Variants in MDN1 observed in about 807,000 individuals in gnomAD.
The protein encoded by MDN1 is midasin AAA ATPase 1.
MDN1 carries 266 observed loss-of-function variants against 669.2 expected under a neutral mutation model. The ratio of observed to expected loss-of-function variants is 0.40; its 90% confidence interval spans 0.36 to 0.44. The LOEUF (loss-of-function observed/expected upper bound fraction) is 0.44. Among genes scored for constraint, MDN1 ranks in the 20% least tolerant of loss-of-function variants. The pLI is 1.00. For missense variants in MDN1, 5,940 were observed against 6,754.0 expected (o/e 0.88, Z 4.22); for synonymous variants, 2,385 against 2,457.1 (o/e 0.97, Z 0.87).
chr6:89,741,236 C>T (rs1047765995), intron 31 of MDN1, among the ~76,000 whole-genome samples: 1 of 152,000 alleles, frequency 6.6e-6, no homozygotes, highest in Admixed American at 6.6e-5. Flanking sequence ...TGTCTCAAAA[C>T]AAAACAAACA....
At chr6:89,795,318 C>T (rs901361997) in intron 2 of MDN1, among the ~76,000 whole-genome samples, 5 of 151,974 alleles carry the variant, frequency 3.3e-5, no homozygotes, top group African/African-American at 1.2e-4. Flanking sequence ...CTTTTAGAAA[C>T]GCTAAGAGAC....
At chr6:89,776,732 T>A in intron 11 of MDN1, 37 bp from the exon 12 acceptor site, 1 of 1,354,816 alleles carries the variant, frequency 7.4e-7, no homozygotes, top group Non-Finnish European at 1.0e-6. Flanking sequence ...GACTGATTTT[T>A]AAAATAATAT....
chr6:89,753,651 G>T, intron 21 of MDN1, 29 bp from the exon 22 acceptor site: 1 of 1,517,052 alleles, frequency 6.6e-7, no homozygotes, highest in Non-Finnish European at 9.2e-7. Context: ...TATGCATAAT[G>T]CTAAATAACC....
chr6:89,643,788 A>C lies in MDN1; in HGVS notation c.*217T>G. On this transcript the variant is annotated 3_prime_UTR_variant, in exon 102 of 102. Transcript: ENST00000369393. ...GAAGAAGGATAACTCTTCTCTAGTTACGAGTTCAGGCACCTGCTGCTGCTT... is the reference window on the plus strand; with the variant it reads ...GAAGAAGGATAACTCTTCTCTAGTTCCGAGTTCAGGCACCTGCTGCTGCTT... The C allele has an allele frequency of 2.3e-6, 1 of 442,434 alleles. No homozygotes were observed. Among genetic ancestry groups the C allele is most frequent in the Non-Finnish European group, 4.0e-6 (1 of 253,034 alleles). 27.4% of individuals were successfully genotyped at this position (442,434 alleles called of 1,614,324 possible). A position where few individuals can be genotyped will look rare whatever the true frequency, so the allele number is the denominator to read the frequency against.
At chr6:89,773,620 G>A (rs1438157961) in intron 13 of MDN1, among the ~76,000 whole-genome samples, 2 of 151,744 alleles carry the variant, frequency 1.3e-5, no homozygotes, top group African/African-American at 2.4e-5. Context: ...ACAGAACTTA[G>A]AGTGATACAA....
intron 53 of MDN1, among the ~76,000 whole-genome samples, chr6:89,702,835 TCTC>T (rs1382691231): frequency 3.9e-5 from 6 of 152,230 alleles, no homozygotes. Context: ...GTAAAGATCT[TCTC>T]CTACGTTTTC....
At chr6:89,747,287 T>C (rs1816684410) in intron 27 of MDN1, 42 bp downstream of exon 27, 1 of 1,587,346 alleles carries the variant, frequency 6.3e-7, no homozygotes, top group African/African-American at 1.4e-5. Context: ...AGTTTGACAT[T>C]TAACATAACT....
At position 89,667,471 on chromosome 6, in the gene MDN1, C is replaced by A. The variant is rs1197813032; in HGVS notation, c.14094+543G>T. Among the ~76,000 whole-genome samples, 4 of 152,074 alleles carry A rather than the reference C, an allele frequency of 2.6e-5. 1 individual carries two copies. Among genetic ancestry groups the A allele is most frequent in the African/African-American group, 9.7e-5 (4 of 41,388 alleles). ...TTTAACTTAGAATATAAGTGATACA[C>A]CCAATACACATAAATCACTCACAAA... On this transcript the variant is annotated intron_variant, in intron 84 of 101. Coordinates refer to ENST00000369393, the MANE Select transcript of MDN1 (RefSeq NM_014611.3).
At chr6:89,742,188 G>A (rs9344957) in intron 31 of MDN1, among the ~76,000 whole-genome samples, 127,093 of 151,934 alleles carry the variant, frequency 0.84, 53,364 homozygotes, top group East Asian at 1. Context: ...CAAGGTGGGC[G>A]GATCACCTGA....
At chr6:89,729,517 T>C (rs1584278464) in intron 35 of MDN1, among the ~76,000 whole-genome samples, 3 of 152,176 alleles carry the variant, frequency 2.0e-5, no homozygotes, top group South Asian at 2.1e-4. Flanking sequence ...ATGGGCCACA[T>C]GGTTCCACAT....
rs766821068 is a variant in MDN1 at position 89,693,074 on chromosome 6, T to C, written c.9956A>G (p.Gln3319Arg). The change falls in exon 63 of 102, where the codon CAG (glutamine) becomes CGG (arginine). Residue 3319 changes from glutamine (Q) to arginine (R), a missense_variant. By Grantham distance (43) the Gln-to-Arg change is conservative. Around this residue, in one of 5 missense-constraint regions of MDN1, gnomAD observed 150 missense variants for 234.2 expected, o/e 0.64. Transcript: ENST00000369393. ...HLLKKQAFRP[Q>R]LPAYESLVQE... ...AACCAGGGACTCGTAGGCAGGCAGC[T>C]GGGGTCTAAAGGCCTGTTTCTTCAA... 6 of 1,614,122 alleles carry C rather than the reference T, an allele frequency of 3.7e-6. No homozygotes were observed. In the South Asian group the frequency reaches 6.6e-5, roughly 18 times the overall value.
At position 89,668,066 on chromosome 6, in the gene MDN1, C is replaced by T. The variant is rs775080421; in HGVS notation, c.14042G>A (p.Gly4681Glu). The T allele has an allele frequency of 1.9e-6, 3 of 1,614,020 alleles. No homozygotes were observed. Among genetic ancestry groups the T allele is most frequent in the Non-Finnish European group, 2.5e-6 (3 of 1,180,020 alleles). The change falls in exon 84 of 102, where the codon GGA becomes GAA. Residue 4681 changes from glycine (G) to glutamate (E), a missense_variant. Physicochemically the swap from Gly to Glu is moderately conservative, Grantham distance 98. Transcript: ENST00000369393. ...CACATCCTTCATGCCCTCGCCTTCT[C>T]CAATTCCACCTCCCTCATAGTCATG... ...EFHDYEGGGI[G>E]EGEGMKDVSD... is the part of the protein sequence containing the mutation.
Position 89,747,372 on chromosome 6 carries a change from C to T in MDN1, c.3861G>A (p.Pro1287=), listed in dbSNP as rs547680742. The change falls in exon 27 of 102, where the codon CCG becomes CCA. Residue 1287 remains proline (P), a synonymous_variant. Transcript: ENST00000369393. ...RWAERYRLAE[P]TEKEYDWLQH... ...GTAGCCAGTCATACTCCTTCTCGGT[C>T]GGCTCAGCCAATCTGTATCTTTCAG... 1.1e-5 allele frequency: 17 copies of T among 1,613,948 alleles called. 1 individual carries two copies. The highest frequency in any genetic ancestry group is 7.7e-5 in the South Asian group (7 of 91,054).
chr6:89,727,681 T>G, intron 37 of MDN1, 152 bp downstream of exon 37: 1 of 1,279,772 alleles, frequency 7.8e-7, no homozygotes, highest in Non-Finnish European at 1.1e-6. Context: ...CCTTCCTCAT[T>G]CTTAAAGAAA....
intron 77 of MDN1, 159 bp from the exon 78 acceptor site, chr6:89,675,738 C>A (rs1811136128): frequency 1.6e-6 from 1 of 612,264 alleles, no homozygotes. Context: ...TATGCTTGCA[C>A]AGATCATTGA....
At chr6:89,796,640 C>T (rs1431700260) in intron 2 of MDN1, among the ~76,000 whole-genome samples, 2 of 152,104 alleles carry the variant, frequency 1.3e-5, no homozygotes, top group Admixed American at 1.3e-4. Flanking sequence ...AATGGCGAGG[C>T]TATGGATGTG....
intron 51 of MDN1, 85 bp downstream of exon 51, chr6:89,708,411 T>C (rs1368437786): frequency 6.6e-7 from 1 of 1,511,372 alleles, no homozygotes; most frequent in Non-Finnish European, 9.0e-7. Flanking sequence ...TCAACACACA[T>C]AAGCTATTTG....
At chr6:89,799,268 T>C (rs1767477094) in intron 2 of MDN1, among the ~76,000 whole-genome samples, 2 of 152,212 alleles carry the variant, frequency 1.3e-5, no homozygotes, top group South Asian at 2.1e-4. Context: ...CTATTGCTCT[T>C]ACCAATCAAA....
rs576176814 is a variant in MDN1 at position 89,714,941 on chromosome 6, C to A, written c.6861-190G>T. Among the ~76,000 whole-genome samples, 8 of 152,292 alleles carry A rather than the reference C, an allele frequency of 5.3e-5. No individual in the cohort carries two copies. In the East Asian group the frequency reaches 1.5e-3, roughly 29 times the overall value. On this transcript the variant is annotated intron_variant, in intron 45 of 101. Transcript: ENST00000369393. ...TCTCTAAACCTACTTTCCTAAGGAA[C>A]TGTGTATGATATATCCAGTGTACCT...
Sources: allele counts gnomAD v4.1 joint callset (sites outside exome capture counted in the v4.1 genomes callset), GRCh38; gene constraint gnomAD v4.1.1; regional missense constraint gnomAD v4.1.1; transcripts MANE v1.5; gene names NCBI Gene and HGNC (gene_info 2026-07-23, HGNC 2026-07-21).